SKOR1: variants seen among roughly 807,000 people sequenced by gnomAD.
SKOR1 encodes SKI family transcriptional corepressor 1.
Under a neutral mutation model 72.4 loss-of-function variants are expected in SKOR1, and 38 were observed. That is an observed-to-expected ratio of 0.52 (90% confidence interval 0.40 to 0.69). The LOEUF (loss-of-function observed/expected upper bound fraction) is 0.69, where lower values mean the gene tolerates loss of function less well. Ranked by LOEUF, SKOR1 falls within the 30% of genes least tolerant of loss-of-function variation. The pLI is 0.00. For synonymous variants in SKOR1, 642 were observed against 599.4 expected (o/e 1.07, Z -1.04); for missense variants, 1,320 against 1,343.2 (o/e 0.98, Z 0.27).
chr15:67,828,698 C>T (rs575601232), intron 2 of SKOR1, among the ~76,000 whole-genome samples: 64 of 152,268 alleles, frequency 4.2e-4, no homozygotes, highest in African/African-American at 1.3e-3. Flanking sequence ...CTCGGGACCG[C>T]GTGCGGAGCG....
rs1019419087 is a variant in SKOR1, at chr15:67,833,966, C to A, written c.*130C>A. ...ATGTAAATACAGCCGCCCGTCCGCC[C>A]GCCTTCCTCCCGGGCTCCCCGGCCT... On this transcript the variant is annotated 3_prime_UTR_variant, in exon 9 of 9. Transcript: ENST00000380035. This position sits in a 1 kb window ranked among gnomAD's most constrained non-coding sequence, Gnocchi z 6.0. The A allele has an allele frequency of 5.9e-6, 6 of 1,024,906 alleles. No homozygotes were observed. Among genetic ancestry groups the A allele is most frequent in the Non-Finnish European group, 8.8e-6 (6 of 680,032 alleles). 63.5% of individuals were successfully genotyped at this position (1,024,906 alleles called of 1,614,324 possible). A position where few individuals can be genotyped will look rare whatever the true frequency, so the allele number is the denominator to read the frequency against.
At position 67,826,116 on chromosome 15, in the gene SKOR1, G is replaced by T. The variant is rs757539227; in HGVS notation, c.288G>T (p.Glu96Asp). The T allele has an allele frequency of 1.2e-6, 2 of 1,600,656 alleles. No homozygotes were observed. Among genetic ancestry groups the T allele is most frequent in the Non-Finnish European group, 1.7e-6 (2 of 1,170,794 alleles). Residue 96 changes from glutamate to aspartate, a missense_variant, in exon 2 of 9, where the codon GAG becomes GAT. By Grantham distance (45) the Glu-to-Asp change is conservative (BLOSUM62 2). Transcript: ENST00000380035. ...PIVSLVIDGQERLCLAQISNT... is the reference protein window; with the variant it reads ...PIVSLVIDGQDRLCLAQISNT... ...TGTCGCTGGTCATCGACGGCCAGGAGCGCCTATGCCTGGCGCAGATCTCCA... is the reference window on the plus strand; with the variant it reads ...TGTCGCTGGTCATCGACGGCCAGGATCGCCTATGCCTGGCGCAGATCTCCA...
Position 67,830,309 on chromosome 15 carries a change from C to G in SKOR1, c.2515+11C>G. ...CAAATACAGACAGAGGTGAGCCAGC[C>G]CTTGAACCCATCGCTCTCCACCGCA... On this transcript the variant is annotated intron_variant, in intron 4 of 8. Coordinates refer to ENST00000380035, the MANE Select transcript of SKOR1 (RefSeq NM_001365915.1). 1 of 1,611,774 alleles carries G rather than the reference C, an allele frequency of 6.2e-7. No individual in the cohort carries two copies. The highest frequency in any genetic ancestry group is 8.5e-7 in the Non-Finnish European group (1 of 1,177,928).
In SKOR1 at chr15:67,832,433, A is replaced by G. The variant is rs1016560855; in HGVS notation, c.2662+85A>G. The G allele has an allele frequency of 2.0e-6, 3 of 1,477,444 alleles. No individual in the cohort carries two copies. In the African/African-American group the frequency reaches 4.1e-5, roughly 20 times the overall value. 91.5% of individuals were successfully genotyped at this position (1,477,444 alleles called of 1,614,324 possible). On this transcript the variant is annotated intron_variant, in intron 6 of 8. Transcript: ENST00000380035. The surrounding 1 kb of genome is among the most constrained non-coding windows in gnomAD (Gnocchi z 4.5). ...CGACCTACTCCGAAAGCCGGGTGCC[A>G]GGCAACTGGTACTAGGTGCCCTGCA...
At chr15:67,831,570 A>G (rs1450163805) in intron 5 of SKOR1, among the ~76,000 whole-genome samples, 1 of 152,144 alleles carries the variant, frequency 6.6e-6, no homozygotes, top group African/African-American at 2.4e-5. Flanking sequence ...GGCAGTTGCC[A>G]CATCTATCCC....
At position 67,825,872 on chromosome 15, in the gene SKOR1, G is replaced by T; in HGVS notation, c.108-64G>T. The T allele has an allele frequency of 6.6e-7, 1 of 1,509,952 alleles. No homozygotes were observed. Among genetic ancestry groups the T allele is most frequent in the Non-Finnish European group, 8.8e-7 (1 of 1,136,432 alleles). 93.5% of individuals were successfully genotyped at this position (1,509,952 alleles called of 1,614,324 possible). A position where few individuals can be genotyped will look rare whatever the true frequency, so the allele number is the denominator to read the frequency against. ...CCAACTCGGAGCGCCCTGCTGGGCG[G>T]GCCCGAGCCTCGGCGGCGGCGCTGA... is the stretch of plus-strand genomic sequence containing the variant. On this transcript the variant is annotated intron_variant, in intron 1 of 8. Coordinates refer to ENST00000380035, the MANE Select transcript of SKOR1 (RefSeq NM_001365915.1). The surrounding 1 kb of genome is among the most constrained non-coding windows in gnomAD (Gnocchi z 5.6).
rs1039010188 is a variant in SKOR1 at position 67,831,898 on chromosome 15, C to T, written c.2588-376C>T. ...TCCCTGATTTATATTGAAAGGGCGG[C>T]GGTGCGGGGGGGGGAGGTCGGGGCC... On this transcript the variant is annotated intron_variant, in intron 5 of 8. Coordinates refer to ENST00000380035, the MANE Select transcript of SKOR1 (RefSeq NM_001365915.1). Among the ~76,000 whole-genome samples the T allele has an allele frequency of 2.1e-3, 14 of 6,820 alleles. No individual in the cohort carries two copies. The East Asian group carries it at 0.035, about 17-fold the overall frequency. 4.5% of individuals were successfully genotyped at this position (6,820 alleles called of 152,430 possible).
chr15:67,827,538 G>A lies in SKOR1; in HGVS notation c.1710G>A (p.Ala570=), dbSNP rs1050897399. The change falls in exon 2 of 9, where the codon GCG becomes GCA. Residue 570 remains alanine (A), a synonymous_variant. Transcript: ENST00000380035. ...GPLDEDGTDE[A]LPPPLAPLPP... ...TGGACGAAGACGGCACGGACGAGGC[G>A]CTGCCACCGCCCCTGGCCCCGTTGC... 2.0e-6 allele frequency: 3 copies of A among 1,520,982 alleles called. No individual in the cohort carries two copies. Among genetic ancestry groups the A allele is most frequent in the Non-Finnish European group, 2.6e-6 (3 of 1,141,276 alleles). 94.2% of individuals were successfully genotyped at this position (1,520,982 alleles called of 1,614,324 possible).
Position 67,832,231 on chromosome 15 carries a change from T to C in SKOR1, c.2588-43T>C, listed in dbSNP as rs1294319169. 6.3e-7 allele frequency: 1 copy of C among 1,595,190 alleles called. No individual in the cohort carries two copies. Among genetic ancestry groups the C allele is most frequent in the Non-Finnish European group, 8.6e-7 (1 of 1,163,520 alleles). On this transcript the variant is annotated intron_variant, in intron 5 of 8. Coordinates refer to ENST00000380035, the MANE Select transcript of SKOR1 (RefSeq NM_001365915.1). The surrounding 1 kb of genome is among the most constrained non-coding windows in gnomAD (Gnocchi z 4.5). ...GCAGAACCTGAGCTCCAAATAACCCTGCTTTACCTCCCACTTTACCTCCCA... is the reference window on the plus strand; with the variant it reads ...GCAGAACCTGAGCTCCAAATAACCCCGCTTTACCTCCCACTTTACCTCCCA...
chr15:67,826,946 C>A lies in SKOR1; in HGVS notation c.1118C>A (p.Pro373Gln). 6.3e-7 allele frequency: 1 copy of A among 1,589,804 alleles called. No individual in the cohort carries two copies. Among genetic ancestry groups the A allele is most frequent in the East Asian group, 2.3e-5 (1 of 43,808 alleles). The change falls in exon 2 of 9, where the codon CCG becomes CAG. Residue 373 changes from proline to glutamine, a missense_variant. Physicochemically the swap from Pro to Gln is moderately conservative, Grantham distance 76 (BLOSUM62 -1). Coordinates refer to ENST00000380035, the MANE Select transcript of SKOR1 (RefSeq NM_001365915.1). ...PGGGAGVRSYPVIPVPSKGFG... is the reference protein window; with the variant it reads ...PGGGAGVRSYQVIPVPSKGFG... ...GGCGGCGCCGGCGTACGAAGCTACC[C>A]GGTGATCCCGGTGCCCAGCAAAGGC...
At position 67,833,389 on chromosome 15, in the gene SKOR1, G is replaced by T; in HGVS notation, c.2803+132G>T. 1.0e-6 allele frequency: 1 copy of T among 977,162 alleles called. No homozygotes were observed. The highest frequency in any genetic ancestry group is 1.4e-5 in the South Asian group (1 of 73,242). 60.5% of individuals were successfully genotyped at this position (977,162 alleles called of 1,614,324 possible). On this transcript the variant is annotated intron_variant, in intron 8 of 8. Transcript: ENST00000380035. This position sits in a 1 kb window ranked among gnomAD's most constrained non-coding sequence, Gnocchi z 6.0. ...ATCAGGATCTGTGAGGGAGAAAAGT[G>T]GGAACTGATTTTAACGGGAAGATTA...
rs563457987 is a variant in SKOR1 at position 67,827,867 on chromosome 15, C to G, written c.2039C>G (p.Pro680Arg). The G allele has an allele frequency of 6.2e-7, 1 of 1,600,556 alleles. No homozygotes were observed. Among genetic ancestry groups the G allele is most frequent in the Non-Finnish European group, 8.5e-7 (1 of 1,174,548 alleles). Residue 680 changes from proline (P) to arginine (R), a missense_variant, in exon 2 of 9, where the codon CCC (proline) becomes CGC (arginine). By Grantham distance (103) the Pro-to-Arg change is moderately radical. Transcript: ENST00000380035. ...GAGGACGCCCAAGAGGAGACCGAGC[C>G]CAGCGCACCCAGCGCAGGGGGCGGC... ...DDEDAQEETEPSAPSAGGGPD... is the reference protein window; with the variant it reads ...DDEDAQEETERSAPSAGGGPD...
At chr15:67,831,677 G>A (rs2091008502) in intron 5 of SKOR1, among the ~76,000 whole-genome samples, 2 of 152,204 alleles carry the variant, frequency 1.3e-5, no homozygotes, top group East Asian at 1.9e-4. Context: ...TGTGGCAGGA[G>A]GAAGACAAGC....
chr15:67,828,697 G>A (rs1453410379), intron 2 of SKOR1, among the ~76,000 whole-genome samples: 1 of 152,212 alleles, frequency 6.6e-6, no homozygotes, highest in Non-Finnish European at 1.5e-5. Context: ...TCTCGGGACC[G>A]CGTGCGGAGC....
Position 67,826,793 on chromosome 15 carries a change from C to G in SKOR1, c.965C>G (p.Pro322Arg), listed in dbSNP as rs957795028. ...GCAGAGATGGCCCCAGGCCCGCCGC[C>G]CCACAAAAGCCTGCGCTGTGGCGAA... ...CGAEMAPGPPPHKSLRCGEDE... is the reference protein window; with the variant it reads ...CGAEMAPGPPRHKSLRCGEDE... The change falls in exon 2 of 9, where the codon CCC (proline) becomes CGC (arginine). Residue 322 changes from proline to arginine, a missense_variant. This residue lies in a region of SKOR1 where 1,099 missense variants were observed against 1,025.5 expected (regional missense o/e 1.07). Coordinates refer to ENST00000380035, the MANE Select transcript of SKOR1 (RefSeq NM_001365915.1). 16 of 1,531,560 alleles carry G rather than the reference C, an allele frequency of 1.0e-5. No homozygotes were observed. The African/African-American group carries it at 1.9e-4, about 18-fold the overall frequency. The allele number at this position is 1,531,560 out of a possible 1,614,324, so 94.9% of individuals were successfully genotyped here.
In SKOR1 at chr15:67,826,893, TGGCCCGGCGGGCCCAGGAG is replaced by T; in HGVS notation, c.1073_1091del (p.Ala358ValfsTer11). 1 of 1,550,290 alleles carries T rather than the reference TGGCCCGGCGGGCCCAGGAG, an allele frequency of 6.5e-7. No homozygotes were observed. On this transcript the variant is annotated frameshift_variant, in exon 2 of 9. Transcript: ENST00000380035. LOFTEE classifies it high-confidence loss of function. ...GACTTGGCCTGGCGACTGGAGCTAGTGGCCCGGCGGGCCCAGGAGGGCCCGGTGGCGGCGCCGGCGTACG... is the reference window on the plus strand; with the variant it reads ...GACTTGGCCTGGCGACTGGAGCTAGTGGCCCGGTGGCGGCGCCGGCGTACG...
Position 67,826,459 on chromosome 15 carries a change from G to A in SKOR1, c.631G>A (p.Gly211Ser), listed in dbSNP as rs1339693791. 1 of 1,614,092 alleles carries A rather than the reference G, an allele frequency of 6.2e-7. No individual in the cohort carries two copies. The change falls in exon 2 of 9, where the codon GGC becomes AGC. Residue 211 changes from glycine (G) to serine (S), a missense_variant. Physicochemically the swap from Gly to Ser is moderately conservative, Grantham distance 56. Transcript: ENST00000380035. Reference protein sequence around the residue: ...NSSRAKCIKCGYCSMYFSPNK... With the variant: ...NSSRAKCIKCSYCSMYFSPNK... The stretch of plus-strand genomic sequence containing the variant: ...CTCTCGTGCCAAGTGCATCAAGTGC[G>A]GCTACTGCAGCATGTACTTCTCGCC...
Position 67,825,777 on chromosome 15 carries a change from A to T in SKOR1, c.107+68A>T. 7.3e-7 allele frequency: 1 copy of T among 1,360,582 alleles called. No homozygotes were observed. Among genetic ancestry groups the T allele is most frequent in the Non-Finnish European group, 1.0e-6 (1 of 969,700 alleles). The allele number at this position is 1,360,582 out of a possible 1,614,324, so 84.3% of individuals were successfully genotyped here. A position where few individuals can be genotyped will look rare whatever the true frequency, so the allele number is the denominator to read the frequency against. ...TGTTAACGGCGCCAACATGGGTCTGAGTAACAAAAGACGCCTGTCCAGGGG... is the reference window on the plus strand; with the variant it reads ...TGTTAACGGCGCCAACATGGGTCTGTGTAACAAAAGACGCCTGTCCAGGGG... On this transcript the variant is annotated intron_variant, in intron 1 of 8. Transcript: ENST00000380035. The surrounding 1 kb of genome is among the most constrained non-coding windows in gnomAD (Gnocchi z 5.6).
rs758227522 is a variant in SKOR1, at chr15:67,827,286, G to A, written c.1458G>A (p.Pro486=). The part of the protein sequence containing the change: ...AAAAAAATVY[P]TFPMFWPAAG... ...CGGCCGCCGCCGCCACTGTGTACCCGACGTTTCCCATGTTCTGGCCAGCAG... is the reference window on the plus strand; with the variant it reads ...CGGCCGCCGCCGCCACTGTGTACCCAACGTTTCCCATGTTCTGGCCAGCAG... The change falls in exon 2 of 9, where the codon CCG becomes CCA. Residue 486 remains proline, a synonymous_variant. Coordinates refer to ENST00000380035, the MANE Select transcript of SKOR1 (RefSeq NM_001365915.1). 3.2e-6 allele frequency: 5 copies of A among 1,585,550 alleles called. No individual in the cohort carries two copies. The highest frequency in any genetic ancestry group is 1.7e-6 in the Non-Finnish European group (2 of 1,173,698).
Sources: allele counts gnomAD v4.1 joint callset (sites outside exome capture counted in the v4.1 genomes callset), GRCh38; gene constraint gnomAD v4.1.1; regional missense constraint gnomAD v4.1.1; non-coding constraint Gnocchi (gnomAD v3.1); transcripts MANE v1.5; gene names NCBI Gene and HGNC (gene_info 2026-07-23, HGNC 2026-07-21).